Variants in MAGI2 observed in about 807,000 individuals in gnomAD.
MAGI2 encodes the protein membrane-associated guanylate kinase, WW and PDZ domain-containing protein 2.
MAGI2 carries 35 observed loss-of-function variants against 133.3 expected under a neutral mutation model. The observed-to-expected ratio is 0.26, with a 90% CI of 0.20 to 0.35. The LOEUF (loss-of-function observed/expected upper bound fraction) is 0.35, where lower values mean the gene tolerates loss of function less well. MAGI2 is among the 10% of genes least tolerant of loss of function. The pLI, the probability that MAGI2 is intolerant of heterozygous loss-of-function variation, is 1.00. For missense variants in MAGI2, 1,636 were observed against 1,863.4 expected (o/e 0.88, Z 2.25); for synonymous variants, 729 against 710.6 (o/e 1.03, Z -0.41).
At chr7:78,884,831 AC>A (rs1796141950) in intron 2 of MAGI2, among the ~76,000 whole-genome samples, 3 of 149,964 alleles carry the variant, frequency 2.0e-5, no homozygotes, top group South Asian at 4.2e-4. Context: ...ATACACCCAA[AC>A]AAAAATAAGT....
At chr7:78,759,801 G>T (rs376160386) in intron 2 of MAGI2, among the ~76,000 whole-genome samples, 26 of 152,196 alleles carry the variant, frequency 1.7e-4, no homozygotes, top group East Asian at 1.4e-3. Context: ...TCTAAGGCAG[G>T]TTTCTCAATT....
intron 1 of MAGI2, chr7:79,177,228 C>T (rs926584318): frequency 2.0e-5 from 3 of 151,766 alleles, no homozygotes; most frequent in East Asian, 1.9e-4. Context: ...TGTACTATAT[C>T]GTTGAATTTC....
chr7:79,116,554 T>C (rs963393657), intron 1 of MAGI2, among the ~76,000 whole-genome samples: 3 of 152,130 alleles, frequency 2.0e-5, no homozygotes, highest in Non-Finnish European at 4.4e-5. Flanking sequence ...TACCTACAGC[T>C]CCATTAGACT....
At chr7:78,955,723 C>T (rs1210925348) in intron 2 of MAGI2, among the ~76,000 whole-genome samples, 2 of 83,432 alleles carry the variant, frequency 2.4e-5, no homozygotes, top group African/African-American at 9.4e-5. Flanking sequence ...TTCTTTCTTT[C>T]TCTTTCTTTC....
At chr7:78,835,710 T>C (rs1791563474) in intron 2 of MAGI2, among the ~76,000 whole-genome samples, 1 of 152,178 alleles carries the variant, frequency 6.6e-6, no homozygotes, top group South Asian at 2.1e-4. Context: ...GACGTTAGCA[T>C]AAGCCAGAAA....
intron 1 of MAGI2, among the ~76,000 whole-genome samples, chr7:79,160,552 T>C (rs1218934830): frequency 6.6e-6 from 1 of 152,100 alleles, no homozygotes; most frequent in African/African-American, 2.4e-5. Context: ...TTCTCAATTT[T>C]AAATGCTAGA....
At chr7:78,593,317 G>A (rs1804243053) in intron 3 of MAGI2, among the ~76,000 whole-genome samples, 1 of 151,930 alleles carries the variant, frequency 6.6e-6, no homozygotes, top group South Asian at 2.1e-4. Flanking sequence ...GCGTGAACCC[G>A]GGAGGCGGAG....
At chr7:79,294,502 C>T (rs1836759618) in intron 1 of MAGI2, among the ~76,000 whole-genome samples, 1 of 152,042 alleles carries the variant, frequency 6.6e-6, no homozygotes. Flanking sequence ...TCCGCCCCAT[C>T]CTCTCAGTGC....
intron 1 of MAGI2, among the ~76,000 whole-genome samples, chr7:79,138,781 G>A (rs1046858016): frequency 6.6e-5 from 10 of 151,960 alleles, no homozygotes; most frequent in East Asian, 3.9e-4. Flanking sequence ...CAAGGCGGGC[G>A]GATCACGAGG....
chr7:78,386,830 C>T (rs978300538), intron 6 of MAGI2, among the ~76,000 whole-genome samples: 4 of 152,094 alleles, frequency 2.6e-5, no homozygotes, highest in African/African-American at 9.7e-5. Flanking sequence ...TTTAGAGGGC[C>T]CCAGGCTTTA....
intron 2 of MAGI2, among the ~76,000 whole-genome samples, chr7:78,847,350 G>A (rs1213344508): frequency 6.6e-6 from 1 of 151,890 alleles, no homozygotes; most frequent in Non-Finnish European, 1.5e-5. Context: ...AAACTAAAAA[G>A]GCTCGTGGCT....
intron 20 of MAGI2, among the ~76,000 whole-genome samples, chr7:78,093,602 C>T (rs1473224657): frequency 6.6e-6 from 1 of 152,202 alleles, no homozygotes; most frequent in African/African-American, 2.4e-5. Flanking sequence ...GAGGCGCCCT[C>T]CATGTTCAGA....
At chr7:78,986,306 C>A (rs900524663) in intron 2 of MAGI2, among the ~76,000 whole-genome samples, 3 of 152,056 alleles carry the variant, frequency 2.0e-5, no homozygotes, top group African/African-American at 4.8e-5. Context: ...ACCTATATAT[C>A]ATGTATTTAA....
At chr7:78,280,929 A>G (rs1795508587) in intron 9 of MAGI2, among the ~76,000 whole-genome samples, 1 of 151,532 alleles carries the variant, frequency 6.6e-6, no homozygotes, top group Admixed American at 6.6e-5. Flanking sequence ...CACTCTATGG[A>G]GGTGGGTCAT....
chr7:78,566,533 T>TAA (rs67057557), intron 3 of MAGI2, among the ~76,000 whole-genome samples: 23,783 of 136,954 alleles, frequency 0.17, 2,087 homozygotes, highest in Middle Eastern at 0.25. Flanking sequence ...AGACACAGTT[T>TAA]AAAAAAAAAA....
intron 6 of MAGI2, among the ~76,000 whole-genome samples, chr7:78,431,668 A>T (rs1438947774): frequency 6.6e-6 from 1 of 152,136 alleles, no homozygotes; most frequent in Non-Finnish European, 1.5e-5. Flanking sequence ...GCCATGACCC[A>T]GAGACTTTCA....
chr7:78,584,600 C>A (rs1554487244), intron 3 of MAGI2, among the ~76,000 whole-genome samples: 1 of 152,088 alleles, frequency 6.6e-6, no homozygotes, highest in Non-Finnish European at 1.5e-5. Flanking sequence ...TGATGAAGAC[C>A]AAGTGCAACC....
chr7:78,894,135 C>T (rs1343530395), intron 2 of MAGI2, among the ~76,000 whole-genome samples: 1 of 152,188 alleles, frequency 6.6e-6, no homozygotes, highest in African/African-American at 2.4e-5. Context: ...GGCGCTGTGG[C>T]TCATGCCTGT....
chr7:78,274,366 G>C (rs530668093), intron 9 of MAGI2, among the ~76,000 whole-genome samples: 19 of 152,304 alleles, frequency 1.2e-4, no homozygotes, highest in African/African-American at 4.3e-4. Context: ...TGTATGAGGT[G>C]TCTGTCAGCT....
Sources: allele counts gnomAD v4.1 joint callset (sites outside exome capture counted in the v4.1 genomes callset), GRCh38; gene constraint gnomAD v4.1.1; transcripts MANE v1.5; gene names NCBI Gene and HGNC (gene_info 2026-07-23, HGNC 2026-07-21).